Variants in OGFOD3 observed in about 807,000 individuals in gnomAD.
OGFOD3 encodes the protein 2-oxoglutarate and iron dependent oxygenase domain containing 3.
Under a neutral mutation model 39.8 loss-of-function variants are expected in OGFOD3, and 35 were observed. That is an observed-to-expected ratio of 0.88 (90% CI 0.67 to 1.17). The LOEUF is 1.17. Among genes scored for constraint, OGFOD3 ranks in the 50% most tolerant of loss-of-function variants. The probability of loss-of-function intolerance (pLI) is 0.00; values close to 1 mark genes in which losing one functional copy is unlikely to be tolerated. For synonymous variants in OGFOD3, 200 were observed against 192.0 expected, an observed-to-expected ratio of 1.04 and a Z score of -0.34; for missense variants, 438 against 454.5, an observed-to-expected ratio of 0.96 and a Z score of 0.33.
intron 7 of OGFOD3, among the ~76,000 whole-genome samples, chr17:82,402,244 G>A (rs2052778833): frequency 6.6e-6 from 1 of 152,024 alleles, no homozygotes; most frequent in Non-Finnish European, 1.5e-5. Context: ...AGGCCTGCCT[G>A]GCCAACATGG....
chr17:82,395,876 G>T (rs2052664371), intron 8 of OGFOD3, among the ~76,000 whole-genome samples: 1 of 152,098 alleles, frequency 6.6e-6, no homozygotes, highest in African/African-American at 2.4e-5. Context: ...CACACAATTA[G>T]ACAGATGTAC....
rs2052948106 is a variant in OGFOD3, at chr17:82,411,835, T to G, written c.305-305A>C. On this transcript the variant is annotated intron_variant, in intron 2 of 8. Transcript: ENST00000313056. ...GTCAACAGCATTCCTGAACCATCAC[T>G]GACTGCAGGTCCAGACACCCACAGG... is the stretch of plus-strand genomic sequence containing the variant. 3 of 399,926 alleles carry G rather than the reference T, an allele frequency of 7.5e-6. No individual in the cohort carries two copies. In the South Asian group the frequency reaches 8.4e-5, roughly 11 times the overall value. The allele number at this position is 399,926 out of a possible 1,614,324, so 24.8% of individuals were successfully genotyped here. A position where few individuals can be genotyped will look rare whatever the true frequency, so the allele number is the denominator to read the frequency against.
At chr17:82,413,822 G>T (rs1003620359) in intron 2 of OGFOD3, among the ~76,000 whole-genome samples, 6 of 149,518 alleles carry the variant, frequency 4.0e-5, no homozygotes, top group Admixed American at 1.4e-4. Flanking sequence ...GTTGCAGTGA[G>T]CCGAGATCAT....
chr17:82,415,201 C>T lies in OGFOD3; in HGVS notation c.304+197G>A, dbSNP rs2053012360. ...CCGCACAGCTTACTAAAACGCCAAC[C>T]GTGGCCGGGCAGTGATGGGCAGGGC... is the stretch of plus-strand genomic sequence containing the variant. On this transcript the variant is annotated intron_variant, in intron 2 of 8. Coordinates refer to ENST00000313056, the MANE Select transcript of OGFOD3 (RefSeq NM_024648.3). This position sits in a 1 kb window ranked among gnomAD's most constrained non-coding sequence, Gnocchi z 5.3. 6.6e-6 allele frequency among the ~76,000 whole-genome samples: 1 copy of T among 152,178 alleles called. No individual in the cohort carries two copies. The highest frequency in any genetic ancestry group is 6.5e-5 in the Admixed American group (1 of 15,268).
At chr17:82,410,217 TCAGTCA>T (rs757973009) in intron 3 of OGFOD3, among the ~76,000 whole-genome samples, 1 of 152,168 alleles carries the variant, frequency 6.6e-6, no homozygotes, top group Non-Finnish European at 1.5e-5. Flanking sequence ...CGCCGGTGCC[TCAGTCA>T]GACAGCAGTA....
chr17:82,403,782 G>GAAC, intron 7 of OGFOD3, 155 bp downstream of exon 7: 2 of 1,003,594 alleles, frequency 2.0e-6, no homozygotes, highest in Non-Finnish European at 3.0e-6. Context: ...GCCCACGTGC[G>GAAC]TACTCACCCT....
Position 82,398,200 on chromosome 17 carries a change from T to C in OGFOD3, c.819A>G (p.Arg273=). The C allele has an allele frequency of 6.2e-7, 1 of 1,613,928 alleles. No homozygotes were observed. The highest frequency in any genetic ancestry group is 1.3e-5 in the African/African-American group (1 of 75,004). ...GGCCCCGCCCGCGCCTCCTACCAGC[T>C]CTCGGCTCCACCGTCTTGTTGGCAC... ...EEGANKTVEP[R]AGRVSFFTSG... Residue 273 remains arginine (R), a synonymous_variant, in exon 8 of 9, where the codon AGA becomes AGG. Transcript: ENST00000313056.
In OGFOD3 at chr17:82,390,007, T is replaced by A. The variant is rs2052582318; in HGVS notation, c.*2391A>T. 6.6e-6 allele frequency: 1 copy of A among 151,864 alleles called. No homozygotes were observed. The highest frequency in any genetic ancestry group is 2.4e-5 in the African/African-American group (1 of 41,330). The allele number at this position is 151,864 out of a possible 1,614,324, so 9.4% of individuals were successfully genotyped here. On this transcript the variant is annotated 3_prime_UTR_variant, in exon 9 of 9. Transcript: ENST00000313056. This position sits in a 1 kb window ranked among gnomAD's most constrained non-coding sequence, Gnocchi z 4.9. ...CTGCACTCCAGCCTGGGCGACAGAG[T>A]TAGACTCCGTCTCAAAAAAAAAAAG...
intron 2 of OGFOD3, among the ~76,000 whole-genome samples, chr17:82,412,406 A>G (rs1467546052): frequency 1.7e-4 from 10 of 59,344 alleles, no homozygotes; most frequent in African/African-American, 6.1e-4. Context: ...TTATCGGGGC[A>G]GGGGCATGGT....
In OGFOD3 at chr17:82,412,395, G is replaced by T. The variant is rs1175097844; in HGVS notation, c.305-865C>A. ...GCATGGTTATCGGGGCAGGGGCATG[G>T]TTATCGGGGCAGGGGCATGGTTATC... On this transcript the variant is annotated intron_variant, in intron 2 of 8. Transcript: ENST00000313056. Among the ~76,000 whole-genome samples, 166 of 105,126 alleles carry T rather than the reference G, an allele frequency of 1.6e-3. 3 individuals carry two copies. Among genetic ancestry groups the T allele is most frequent in the African/African-American group, 4.3e-3 (113 of 26,064 alleles). The allele number at this position is 105,126 out of a possible 152,430, so 69.0% of individuals were successfully genotyped here. A position where few individuals can be genotyped will look rare whatever the true frequency, so the allele number is the denominator to read the frequency against.
intron 2 of OGFOD3, chr17:82,411,809 C>T (rs568822049): frequency 1.1e-5 from 5 of 458,036 alleles, no homozygotes; most frequent in East Asian, 4.4e-5. Context: ...CCAGACACGG[C>T]GTCAACAGCA....
chr17:82,416,885 G>C (rs1364001629), intron 1 of OGFOD3, among the ~76,000 whole-genome samples: 1 of 152,026 alleles, frequency 6.6e-6, no homozygotes, highest in South Asian at 2.1e-4. Context: ...ACGTTGGTCA[G>C]GCTGGTCTCG....
chr17:82,412,211 C>G (rs981271012), intron 2 of OGFOD3, among the ~76,000 whole-genome samples: 1 of 152,170 alleles, frequency 6.6e-6, no homozygotes, highest in Non-Finnish European at 1.5e-5. Context: ...TGTCTCTCCC[C>G]GTACCTTGGT....
intron 4 of OGFOD3, among the ~76,000 whole-genome samples, chr17:82,407,424 G>A (rs1373446469): frequency 6.6e-6 from 1 of 152,212 alleles, no homozygotes; most frequent in Non-Finnish European, 1.5e-5. Flanking sequence ...CTTCTCTCGA[G>A]TAAATGCCTC....
intron 1 of OGFOD3, among the ~76,000 whole-genome samples, chr17:82,416,244 A>AAAT (rs2053032165): frequency 6.6e-6 from 1 of 152,210 alleles, no homozygotes; most frequent in Non-Finnish European, 1.5e-5. Context: ...CTCAATAAAT[A>AAAT]AATAAATAAA....
chr17:82,418,041 C>T (rs111902478), intron 1 of OGFOD3, among the ~76,000 whole-genome samples: 79 of 152,360 alleles, frequency 5.2e-4, no homozygotes, highest in African/African-American at 1.8e-3. Flanking sequence ...AAGGCGGAGG[C>T]ACGCTCCTGG....
In OGFOD3 at chr17:82,415,286, T is replaced by C. The variant is rs891399308; in HGVS notation, c.304+112A>G. ...AGCCAGCCTGCAGGAGGGGAGAGGT[T>C]GTCTGCTACCCCCAAGCATACCACA... On this transcript the variant is annotated intron_variant, in intron 2 of 8. Coordinates refer to ENST00000313056, the MANE Select transcript of OGFOD3 (RefSeq NM_024648.3). This position sits in a 1 kb window ranked among gnomAD's most constrained non-coding sequence, Gnocchi z 5.3. 8 of 1,085,762 alleles carry C rather than the reference T, an allele frequency of 7.4e-6. No homozygotes were observed. Among genetic ancestry groups the C allele is most frequent in the Non-Finnish European group, 2.7e-6 (2 of 731,088 alleles). 67.3% of individuals were successfully genotyped at this position (1,085,762 alleles called of 1,614,324 possible).
At position 82,406,455 on chromosome 17, in the gene OGFOD3, C is replaced by A; in HGVS notation, c.451G>T (p.Ala151Ser). 1 of 1,614,136 alleles carries A rather than the reference C, an allele frequency of 6.2e-7. No homozygotes were observed. The highest frequency in any genetic ancestry group is 1.3e-5 in the African/African-American group (1 of 75,060). Residue 151 changes from alanine (A) to serine (S), a missense_variant, in exon 5 of 9, where the codon GCC becomes TCC. Physicochemically the swap from Ala to Ser is moderately conservative, Grantham distance 99. Transcript: ENST00000313056. This position sits in a 1 kb window ranked among gnomAD's most constrained non-coding sequence, Gnocchi z 5.2. ...GASILDLHSG[A>S]LSVGKHFVNL... ...ACAAAGTGCTTCCCGACAGACAGGG[C>A]CCCTGAGTGCAAGTCCAGAATGGAT...
At chr17:82,394,293 G>A (rs749043415) in intron 8 of OGFOD3, 7 of 1,494,188 alleles carry the variant, frequency 4.7e-6, no homozygotes, top group South Asian at 2.7e-5. Context: ...CCCGGCCTAA[G>A]ATGCACTTTC....
Sources: allele counts gnomAD v4.1 joint callset (sites outside exome capture counted in the v4.1 genomes callset), GRCh38; gene constraint gnomAD v4.1.1; non-coding constraint Gnocchi (gnomAD v3.1); transcripts MANE v1.5; gene names NCBI Gene and HGNC (gene_info 2026-07-23, HGNC 2026-07-21).